The following ARID5B variants were observed in gnomAD, a reference collection of about 807,000 sequenced individuals.
ARID5B encodes AT-rich interactive domain-containing protein 5B.
In ARID5B, 13 loss-of-function variants were observed where a neutral mutation model predicts 97.2. The ratio of observed to expected loss-of-function variants is 0.13; its 90% CI spans 0.09 to 0.21. ARID5B has a LOEUF of 0.21. Among genes scored for constraint, ARID5B ranks in the 10% least tolerant of loss-of-function variants. ARID5B has a pLI of 1.00. For synonymous variants in ARID5B, 556 were observed against 570.3 expected, an observed-to-expected ratio of 0.97 and a Z score of 0.36; for missense variants, 1,210 against 1,465.3, an observed-to-expected ratio of 0.83 and a Z score of 2.84.
intron 2 of ARID5B, among the ~76,000 whole-genome samples, chr10:61,921,513 C>A (rs1051384684): frequency 1.3e-5 from 2 of 152,192 alleles, no homozygotes; most frequent in African/African-American, 4.8e-5. Context: ...TAGGGCAACT[C>A]AAACATGGCA....
chr10:61,947,195 A>G (rs1838250302), intron 3 of ARID5B, among the ~76,000 whole-genome samples: 1 of 151,922 alleles, frequency 6.6e-6, no homozygotes, highest in Non-Finnish European at 1.5e-5. Flanking sequence ...GGAGTACAAG[A>G]ATCTGCATCC....
intron 9 of ARID5B, among the ~76,000 whole-genome samples, chr10:62,087,135 TA>T (rs1179798356): frequency 1.3e-5 from 2 of 150,756 alleles, no homozygotes; most frequent in Non-Finnish European, 3.0e-5. Context: ...CCGTCTCTAC[TA>T]AAAATACAAA....
chr10:62,049,366 G>T, intron 4 of ARID5B: 1 of 1,545,796 alleles, frequency 6.5e-7, no homozygotes, highest in South Asian at 1.2e-5. Context: ...CGCATTCGGA[G>T]GGAAGCTGAC....
chr10:61,971,752 G>A (rs1348523260), intron 3 of ARID5B, among the ~76,000 whole-genome samples: 2 of 151,368 alleles, frequency 1.3e-5, no homozygotes, highest in African/African-American at 4.8e-5. Flanking sequence ...GATACTAGCA[G>A]GAAAAAAAGA....
At chr10:62,038,649 C>A (rs748464622) in intron 4 of ARID5B, among the ~76,000 whole-genome samples, 2 of 152,134 alleles carry the variant, frequency 1.3e-5, no homozygotes, top group Non-Finnish European at 2.9e-5. Flanking sequence ...CCCACCTACC[C>A]CACCTTGTCC....
At chr10:61,952,427 T>A (rs1838335624) in intron 3 of ARID5B, among the ~76,000 whole-genome samples, 2 of 152,246 alleles carry the variant, frequency 1.3e-5, no homozygotes. Context: ...CCTACCAATA[T>A]AATGCAGTAT....
intron 6 of ARID5B, among the ~76,000 whole-genome samples, chr10:62,058,267 A>C (rs1839881881): frequency 6.6e-6 from 1 of 152,242 alleles, no homozygotes; most frequent in East Asian, 1.9e-4. Context: ...TTGTTGCATT[A>C]TGCATTGGTT....
At chr10:62,072,807 A>G (rs1840081888) in intron 8 of ARID5B, among the ~76,000 whole-genome samples, 1 of 152,148 alleles carries the variant, frequency 6.6e-6, no homozygotes, top group African/African-American at 2.4e-5. Context: ...CCATAATCCT[A>G]TGTGTTGTGG....
chr10:62,013,523 ATCTCTTATG>A (rs1398860542), intron 4 of ARID5B, among the ~76,000 whole-genome samples: 1 of 151,972 alleles, frequency 6.6e-6, no homozygotes, highest in Non-Finnish European at 1.5e-5. Context: ...TGAATAAGAG[ATCTCTTATG>A]TCTCTTATGT....
chr10:61,971,660 A>C (rs1305365333), intron 3 of ARID5B, among the ~76,000 whole-genome samples: 1 of 152,252 alleles, frequency 6.6e-6, no homozygotes, highest in Non-Finnish European at 1.5e-5. Flanking sequence ...AGTCATTATT[A>C]TAATAATGCA....
chr10:61,940,522 T>A, intron 3 of ARID5B, 114 bp downstream of exon 3: 1 of 932,050 alleles, frequency 1.1e-6, no homozygotes, highest in Non-Finnish European at 1.6e-6. Flanking sequence ...CAAATTTCTT[T>A]AACCTCAAAG....
intron 4 of ARID5B, chr10:62,024,919 T>C (rs1329861816): frequency 6.2e-6 from 2 of 322,926 alleles, no homozygotes; most frequent in Non-Finnish European, 1.1e-5. Context: ...AGATAGCTAC[T>C]TGATTACTAC....
intron 2 of ARID5B, among the ~76,000 whole-genome samples, chr10:61,918,084 A>G (rs1292392274): frequency 6.6e-6 from 1 of 152,208 alleles, no homozygotes; most frequent in Non-Finnish European, 1.5e-5. Context: ...TTGGTAAGAG[A>G]GCACAGGTCT....
chr10:61,962,644 C>T (rs1224975211), intron 3 of ARID5B, among the ~76,000 whole-genome samples: 1 of 152,202 alleles, frequency 6.6e-6, no homozygotes, highest in African/African-American at 2.4e-5. Context: ...CTGCCGTTGG[C>T]TAGAAACACC....
chr10:61,981,835 A>C (rs1250971276), intron 3 of ARID5B, among the ~76,000 whole-genome samples: 2 of 152,214 alleles, frequency 1.3e-5, no homozygotes, highest in Non-Finnish European at 2.9e-5. Flanking sequence ...AGGATGCATT[A>C]AGCAGAAAAG....
chr10:62,016,355 A>G (rs1202327773), intron 4 of ARID5B, among the ~76,000 whole-genome samples: 1 of 152,272 alleles, frequency 6.6e-6, no homozygotes, highest in Non-Finnish European at 1.5e-5. Context: ...AAATTTTAAG[A>G]CATCATTTCT....
chr10:62,053,860 G>T lies in ARID5B; in HGVS notation c.846+2860G>T, dbSNP rs117493168. Among the ~76,000 whole-genome samples the T allele has an allele frequency of 7.7e-3, 1,174 of 152,116 alleles. 18 individuals are homozygous for T. Among genetic ancestry groups the T allele is most frequent in the Middle Eastern group, 0.044 (13 of 294 alleles). ...TTTTCAATATTTTTCCTCTCATTTG[G>T]TCCTCAGAACTATTCCCAGGGATTA... On this transcript the variant is annotated intron_variant, in intron 5 of 9. Coordinates refer to ENST00000279873, the MANE Select transcript of ARID5B (RefSeq NM_032199.3).
Position 62,091,425 on chromosome 10 carries a change from T to A in ARID5B, c.1962T>A (p.Phe654Leu), listed in dbSNP as rs761913705. The A allele has an allele frequency of 6.2e-7, 1 of 1,612,712 alleles. No individual in the cohort carries two copies. The highest frequency in any genetic ancestry group is 1.1e-5 in the South Asian group (1 of 90,920). Residue 654 changes from phenylalanine to leucine, a missense_variant, in exon 10 of 10, where the codon TTT (phenylalanine) becomes TTA (leucine). Transcript: ENST00000279873. The part of the protein sequence containing the change: ...QTPKVLVVQS[F>L]DMFKDKDLTG... ...CAAAGGTCCTTGTGGTCCAGTCGTT[T>A]GACATGTTCAAAGACAAAGACCTGA... is the stretch of plus-strand genomic sequence containing the variant.
intron 4 of ARID5B, among the ~76,000 whole-genome samples, chr10:62,019,637 C>T (rs920163121): frequency 1.3e-5 from 2 of 152,206 alleles, no homozygotes; most frequent in African/African-American, 4.8e-5. Context: ...TACATGTCAG[C>T]ACTTGAGGCT....
Sources: allele counts gnomAD v4.1 joint callset (sites outside exome capture counted in the v4.1 genomes callset), GRCh38; gene constraint gnomAD v4.1.1; transcripts MANE v1.5; gene names NCBI Gene and HGNC (gene_info 2026-07-23, HGNC 2026-07-21).